CSMD2: variants seen among roughly 807,000 people sequenced by gnomAD.
The protein encoded by CSMD2 is CUB and Sushi multiple domains 2, also known as CUB and sushi domain-containing protein 2.
CSMD2 carries 130 observed loss-of-function variants against 398.5 expected under a neutral mutation model. The ratio of observed to expected loss-of-function variants is 0.33; its 90% CI spans 0.28 to 0.38. The LOEUF is 0.38. CSMD2 is among the 10% of genes least tolerant of loss of function. CSMD2 has a pLI of 1.00. For missense variants in CSMD2, 3,829 were observed against 4,764.9 expected (o/e 0.80, Z 5.78); for synonymous variants, 1,828 against 1,908.5 (o/e 0.96, Z 1.10).
At chr1:33,895,030 T>C (rs948417878) in intron 5 of CSMD2, among the ~76,000 whole-genome samples, 43 of 152,252 alleles carry the variant, frequency 2.8e-4, no homozygotes, top group South Asian at 2.7e-3. Context: ...ATCAGAAAAA[T>C]TGAAGTAATT....
chr1:34,121,926 C>T (rs959047186), intron 1 of CSMD2, among the ~76,000 whole-genome samples: 3 of 152,076 alleles, frequency 2.0e-5, no homozygotes, highest in Admixed American at 6.5e-5. Context: ...TGAACACAGG[C>T]ACGCCTTGAT....
At position 34,165,015 on chromosome 1, in the gene CSMD2, A is replaced by G. The variant is rs1186534013; in HGVS notation, c.83T>C (p.Leu28Pro). The change falls in exon 1 of 71, where the codon CTT becomes CCT. Residue 28 changes from leucine (L) to proline (P), a missense_variant. Leu to Pro is a moderately conservative substitution (Grantham distance 98). Coordinates refer to ENST00000373381, the MANE Select transcript of CSMD2 (RefSeq NM_001281956.2). ...CCAGCGGCTCCCGGCGCCCGGCACA[A>G]GCGCCGAAATCCCGGTTTCGCCGCG... Reference protein sequence around the residue: ...RARGETGISALVPGAGSRWGR... With the variant: ...RARGETGISAPVPGAGSRWGR... The G allele has an allele frequency of 2.5e-6, 3 of 1,209,278 alleles. No homozygotes were observed. Among genetic ancestry groups the G allele is most frequent in the Non-Finnish European group, 3.1e-6 (3 of 973,798 alleles). 74.9% of individuals were successfully genotyped at this position (1,209,278 alleles called of 1,614,324 possible). A position where few individuals can be genotyped will look rare whatever the true frequency, so the allele number is the denominator to read the frequency against.
intron 7 of CSMD2, 147 bp downstream of exon 7, chr1:33,825,550 A>G (rs1038134605): frequency 4.1e-5 from 29 of 707,382 alleles, no homozygotes; most frequent in Non-Finnish European, 1.7e-5. Flanking sequence ...CCGTTGGGTC[A>G]GTGTGTCCAA....
At chr1:33,687,705 T>C (rs984236677) in intron 25 of CSMD2, among the ~76,000 whole-genome samples, 1 of 151,416 alleles carries the variant, frequency 6.6e-6, no homozygotes, top group African/African-American at 2.4e-5. Context: ...GTTTGAAAAG[T>C]AAAAAAAGGC....
chr1:33,648,328 C>G (rs575973965), intron 28 of CSMD2, among the ~76,000 whole-genome samples: 1 of 147,728 alleles, frequency 6.8e-6, no homozygotes, highest in East Asian at 2.1e-4. Context: ...TGCCACTGTA[C>G]TCCAGTCTGG....
intron 48 of CSMD2, among the ~76,000 whole-genome samples, chr1:33,578,982 A>G (rs1331185909): frequency 6.6e-6 from 1 of 152,188 alleles, no homozygotes; most frequent in Non-Finnish European, 1.5e-5. Context: ...TCGGTTGTAA[A>G]ATATACTTAG....
chr1:34,123,522 A>AGG lies in CSMD2; in HGVS notation c.188-34331_188-34330dup, dbSNP rs1553323630. On this transcript the variant is annotated intron_variant, in intron 1 of 70. Coordinates refer to ENST00000373381, the MANE Select transcript of CSMD2 (RefSeq NM_001281956.2). ...ACTCCAGCCAATTAATCAAACTTAAAGGGGGGGGGTTGTGGGAACCCCAAC... is the reference window on the plus strand; with the variant it reads ...ACTCCAGCCAATTAATCAAACTTAAAGGGGGGGGGGGTTGTGGGAACCCCAAC... Among the ~76,000 whole-genome samples, 389 of 125,228 alleles carry AGG rather than the reference A, an allele frequency of 3.1e-3. 1 individual carries two copies. The highest frequency in any genetic ancestry group is 3.9e-3 in the Middle Eastern group (1 of 256). 82.2% of individuals were successfully genotyped at this position (125,228 alleles called of 152,430 possible).
intron 29 of CSMD2, among the ~76,000 whole-genome samples, chr1:33,645,612 T>G (rs1459469458): frequency 1.3e-5 from 2 of 152,140 alleles, no homozygotes; most frequent in Non-Finnish European, 2.9e-5. Flanking sequence ...AGTGGAGTGC[T>G]CGAGAGCCTG....
chr1:33,935,789 G>C lies in CSMD2; in HGVS notation c.683C>G (p.Thr228Arg), dbSNP rs777884398. 9 of 1,611,764 alleles carry C rather than the reference G, an allele frequency of 5.6e-6. No individual in the cohort carries two copies. In the Admixed American group the frequency reaches 1.5e-4, roughly 27 times the overall value. ...GCAGGAAGGCAGGGGGAAGTCCCAC[G>C]TGGCGCTGTTCTCAGAGCCAGCGTG... ...TCHAGSENSA[T>R]WDFPLPSCRA... Residue 228 changes from threonine (T) to arginine (R), a missense_variant, in exon 4 of 71, where the codon ACG (threonine) becomes AGG (arginine). Thr to Arg is a moderately conservative substitution (Grantham distance 71). Around this residue, in one of 5 missense-constraint regions of CSMD2, gnomAD observed 2,001 missense variants for 2,567.1 expected, o/e 0.78. Coordinates refer to ENST00000373381, the MANE Select transcript of CSMD2 (RefSeq NM_001281956.2).
At chr1:33,984,537 C>G (rs377753575) in intron 3 of CSMD2, among the ~76,000 whole-genome samples, 1 of 152,106 alleles carries the variant, frequency 6.6e-6, no homozygotes, top group Non-Finnish European at 1.5e-5. Flanking sequence ...CAGTGGCTCA[C>G]GCCTGCGCTT....
chr1:33,828,911 TC>T (rs2125025427), intron 6 of CSMD2, among the ~76,000 whole-genome samples: 2 of 152,302 alleles, frequency 1.3e-5, no homozygotes, highest in South Asian at 4.1e-4. Context: ...CTCTTTTACT[TC>T]CTGCTACTTA....
intron 5 of CSMD2, among the ~76,000 whole-genome samples, chr1:33,856,670 T>A (rs540774393): frequency 6.6e-6 from 1 of 152,056 alleles, no homozygotes; most frequent in African/African-American, 2.4e-5. Context: ...CAGCTAGTGG[T>A]CCCTGCCAGA....
rs772678247 is a variant in CSMD2 at position 33,646,843 on chromosome 1, AC to A, written c.4587-9del. On this transcript the variant is annotated splice_polypyrimidine_tract_variant and intron_variant, in intron 28 of 70. Coordinates refer to ENST00000373381, the MANE Select transcript of CSMD2 (RefSeq NM_001281956.2). The stretch of plus-strand genomic sequence containing the variant: ...CCAGGCTCCAGGTTAAAGCTGGGGA[AC>A]AAAAACATCCCACCCCCACCCCACT... 10 of 1,601,310 alleles carry A rather than the reference AC, an allele frequency of 6.2e-6. No homozygotes were observed. The highest frequency in any genetic ancestry group is 3.4e-5 in the Admixed American group (2 of 58,634).
At chr1:34,157,762 T>C (rs1640942570) in intron 1 of CSMD2, among the ~76,000 whole-genome samples, 1 of 152,014 alleles carries the variant, frequency 6.6e-6, no homozygotes, top group South Asian at 2.1e-4. Context: ...CAACCCACCT[T>C]TGATCCTACC....
intron 5 of CSMD2, among the ~76,000 whole-genome samples, chr1:33,889,428 G>A (rs1641830796): frequency 6.6e-6 from 1 of 152,146 alleles, no homozygotes; most frequent in Non-Finnish European, 1.5e-5. Context: ...TGTTATACAT[G>A]GTTGATGGAA....
At chr1:34,131,702 A>T (rs1663367169) in intron 1 of CSMD2, among the ~76,000 whole-genome samples, 2 of 152,048 alleles carry the variant, frequency 1.3e-5, no homozygotes, top group South Asian at 4.1e-4. Flanking sequence ...GGCCACCATC[A>T]CCAAGTTACT....
chr1:33,768,535 CATGTGTGTGTGTGTGTGTGTGTGTGT>C, intron 13 of CSMD2, among the ~76,000 whole-genome samples: 1 of 114,624 alleles, frequency 8.7e-6, no homozygotes, highest in African/African-American at 3.3e-5. Flanking sequence ...TGTGTGCGTG[CATGTGTGTGTGTGTGTGTGTGTGTGT>C]GTGTGTGTGT....
Position 33,626,598 on chromosome 1 carries a change from C to T in CSMD2, c.5201-17G>A, listed in dbSNP as rs376763721. 3 of 1,572,858 alleles carry T rather than the reference C, an allele frequency of 1.9e-6. No homozygotes were observed. The highest frequency in any genetic ancestry group is 2.3e-5 in the East Asian group (1 of 44,068). ...GTGATTCTCCTGCCGAGATAAGGGGCAAGGAGGAGAGAACAGTGAGTCCAG... is the reference window on the plus strand; with the variant it reads ...GTGATTCTCCTGCCGAGATAAGGGGTAAGGAGGAGAGAACAGTGAGTCCAG... On this transcript the variant is annotated splice_polypyrimidine_tract_variant and intron_variant, in intron 32 of 70. Coordinates refer to ENST00000373381, the MANE Select transcript of CSMD2 (RefSeq NM_001281956.2).
chr1:33,642,303 C>T lies in CSMD2; in HGVS notation c.4774+4345G>A, dbSNP rs575911835. ...TGGAGGTTGCAGTGAGCTGAGATTG[C>T]GCCACTGCACTCCAGCCTGGGTGAC... On this transcript the variant is annotated intron_variant, in intron 29 of 70. Coordinates refer to ENST00000373381, the MANE Select transcript of CSMD2 (RefSeq NM_001281956.2). Among the ~76,000 whole-genome samples, 298 of 143,998 alleles carry T rather than the reference C, an allele frequency of 2.1e-3. 2 individuals carry two copies. The highest frequency in any genetic ancestry group is 7.1e-3 in the African/African-American group (275 of 38,856). The allele number at this position is 143,998 out of a possible 152,430, so 94.5% of individuals were successfully genotyped here. A position where few individuals can be genotyped will look rare whatever the true frequency, so the allele number is the denominator to read the frequency against.
Sources: allele counts gnomAD v4.1 joint callset (sites outside exome capture counted in the v4.1 genomes callset), GRCh38; gene constraint gnomAD v4.1.1; regional missense constraint gnomAD v4.1.1; transcripts MANE v1.5; gene names NCBI Gene and HGNC (gene_info 2026-07-23, HGNC 2026-07-21).